PODXL: variants seen among roughly 807,000 people sequenced by gnomAD.
The protein encoded by PODXL is podocalyxin like.
In PODXL, 20 loss-of-function variants were observed where a neutral mutation model predicts 48.9. The ratio of observed to expected loss-of-function variants is 0.41; its 90% CI spans 0.29 to 0.59. The LOEUF (loss-of-function observed/expected upper bound fraction) is 0.59, where lower values mean the gene tolerates loss of function less well. PODXL is among the 20% of genes least tolerant of loss of function. The pLI, the probability that PODXL is intolerant of heterozygous loss-of-function variation, is 0.31. For missense variants in PODXL, 606 were observed against 675.1 expected (o/e 0.90, Z 1.13); for synonymous variants, 295 against 287.4 (o/e 1.03, Z -0.27).
chr7:131,534,088 C>CCTCCTCCTCCA (rs1201804304), intron 1 of PODXL, among the ~76,000 whole-genome samples: 1 of 147,222 alleles, frequency 6.8e-6, no homozygotes, highest in Non-Finnish European at 1.5e-5. Flanking sequence ...GCGCAGCCCA[C>CCTCCTCCTCCA]CTCCTCCTCC....
At chr7:131,533,487 C>T (rs1433901359) in intron 1 of PODXL, among the ~76,000 whole-genome samples, 1 of 152,216 alleles carries the variant, frequency 6.6e-6, no homozygotes, top group Non-Finnish European at 1.5e-5. Context: ...GGCCCGTCTG[C>T]CTGCTTCCCT....
rs1195341246 is a variant in PODXL at position 131,509,528 on chromosome 7, G to A, written c.860C>T (p.Ser287Phe). 1 of 1,603,466 alleles carries A rather than the reference G, an allele frequency of 6.2e-7. No individual in the cohort carries two copies. Among genetic ancestry groups the A allele is most frequent in the Admixed American group, 1.7e-5 (1 of 58,894 alleles). The change falls in exon 4 of 9, where the codon TCT becomes TTT. Residue 287 changes from serine (S) to phenylalanine (F), a missense_variant. Physicochemically the swap from Ser to Phe is radical, Grantham distance 155. Coordinates refer to ENST00000378555, the MANE Select transcript of PODXL (RefSeq NM_001018111.3). ...QQTSSQMPAS[S>F]TAPSSQETVQ... ...TGTCTCCTGGGAGGAAGGGGCCGTAGAGCTGGCTGGCATCTGACTGGAGGT... is the reference window on the plus strand; with the variant it reads ...TGTCTCCTGGGAGGAAGGGGCCGTAAAGCTGGCTGGCATCTGACTGGAGGT...
At chr7:131,518,288 A>G (rs921860866) in intron 1 of PODXL, among the ~76,000 whole-genome samples, 3 of 152,146 alleles carry the variant, frequency 2.0e-5, no homozygotes, top group Non-Finnish European at 2.9e-5. Flanking sequence ...TTCGAAATTA[A>G]CTCTGTCTGC....
rs759031194 is a variant in PODXL at position 131,509,478 on chromosome 7, C to T, written c.910G>A (p.Ala304Thr). Reference protein sequence around the residue: ...ETVQPTSPATALRTPTLPETM... With the variant: ...ETVQPTSPATTLRTPTLPETM... ...TCTGGCAGGGTAGGTGTTCTCAATGCCGTTGCCGGGCTCGTGGGCTGCACT... is the reference window on the plus strand; with the variant it reads ...TCTGGCAGGGTAGGTGTTCTCAATGTCGTTGCCGGGCTCGTGGGCTGCACT... The change falls in exon 4 of 9, where the codon GCA becomes ACA. Residue 304 changes from alanine to threonine, a missense_variant. Transcript: ENST00000378555. The T allele has an allele frequency of 6.2e-7, 1 of 1,613,848 alleles. No individual in the cohort carries two copies. The highest frequency in any genetic ancestry group is 1.3e-5 in the African/African-American group (1 of 74,998).
intron 1 of PODXL, among the ~76,000 whole-genome samples, chr7:131,532,517 T>TTGTG (rs1308676996): frequency 4.4e-5 from 2 of 45,954 alleles, no homozygotes; most frequent in Admixed American, 6.9e-4. Flanking sequence ...ATCTTTTTTT[T>TTGTG]GGAGGGGGGG....
At chr7:131,510,607 G>C (rs1360917730) in intron 2 of PODXL, among the ~76,000 whole-genome samples, 1 of 152,046 alleles carries the variant, frequency 6.6e-6, no homozygotes, top group African/African-American at 2.4e-5. Context: ...GAGTAGCTGG[G>C]ATTACAGGCG....
At position 131,510,997 on chromosome 7, in the gene PODXL, C is replaced by T. The variant is rs1464530000; in HGVS notation, c.537G>A (p.Thr179=). 2 of 1,613,910 alleles carry T rather than the reference C, an allele frequency of 1.2e-6. No individual in the cohort carries two copies. Among genetic ancestry groups the T allele is most frequent in the East Asian group, 2.2e-5 (1 of 44,884 alleles). The change falls in exon 2 of 9, where the codon ACG becomes ACA. Residue 179 remains threonine, a synonymous_variant. Coordinates refer to ENST00000378555, the MANE Select transcript of PODXL (RefSeq NM_001018111.3). The part of the protein sequence containing the change: ...DLTSTKAEHL[T]TPHPTSPLSP... Reference sequence around the variant, plus strand: ...TAAGTGGACTTGTAGGGTGAGGGGTCGTCAGATGTTCTGCCTTAGTGGATG... The same window carrying T: ...TAAGTGGACTTGTAGGGTGAGGGGTTGTCAGATGTTCTGCCTTAGTGGATG...
At chr7:131,505,810 G>A (rs1562901803) in intron 8 of PODXL, 58 bp downstream of exon 8, 1 of 1,468,620 alleles carries the variant, frequency 6.8e-7, no homozygotes, top group African/African-American at 1.4e-5. Flanking sequence ...ATCACGAGGG[G>A]AGGGTTCCTC....
chr7:131,530,516 G>A (rs1032679798), intron 1 of PODXL, among the ~76,000 whole-genome samples: 7 of 151,966 alleles, frequency 4.6e-5, no homozygotes, highest in South Asian at 2.1e-4. Flanking sequence ...AAGCCAAGGC[G>A]GGAGAATCAC....
intron 5 of PODXL, among the ~76,000 whole-genome samples, chr7:131,508,445 CAG>C (rs1222180183): frequency 6.6e-6 from 1 of 152,166 alleles, no homozygotes; most frequent in African/African-American, 2.4e-5. Context: ...TCTGTAAAAA[CAG>C]GGTCTTCCTA....
Position 131,540,606 on chromosome 7 carries a change from C to T in PODXL, c.100+15654G>A, listed in dbSNP as rs148389431. Among the ~76,000 whole-genome samples the T allele has an allele frequency of 6.0e-4, 92 of 152,292 alleles. No individual in the cohort carries two copies. In the East Asian group the frequency reaches 0.015, roughly 25 times the overall value. ...CACACACACACTTCCAGAGCCAAAG[C>T]GCCCGGACATTTGGCACACAACTCT... On this transcript the variant is annotated intron_variant, in intron 1 of 8. Transcript: ENST00000378555.
chr7:131,532,106 A>AT (rs1339531376), intron 1 of PODXL, among the ~76,000 whole-genome samples: 2 of 145,936 alleles, frequency 1.4e-5, no homozygotes, highest in Non-Finnish European at 3.0e-5. Flanking sequence ...CCATCTCAAA[A>AT]TAATAATAAT....
chr7:131,546,752 A>G (rs1005011750), intron 1 of PODXL, among the ~76,000 whole-genome samples: 1 of 124,836 alleles, frequency 8.0e-6, no homozygotes, highest in Admixed American at 8.4e-5. Context: ...AAAAAAAAAA[A>G]GTCTGTTTTG....
chr7:131,525,426 C>CAAAAAAAAAAA (rs57927217), intron 1 of PODXL, among the ~76,000 whole-genome samples: 17 of 59,216 alleles, frequency 2.9e-4, no homozygotes, highest in Admixed American at 8.4e-4. Context: ...TCATCTCTAC[C>CAAAAAAAAAAA]AAAAAAAAAA....
Position 131,501,326 on chromosome 7 carries a change from T to C in PODXL, c.*2985A>G, listed in dbSNP as rs1243395242. The C allele has an allele frequency of 6.6e-6, 1 of 152,614 alleles. No homozygotes were observed. Among genetic ancestry groups the C allele is most frequent in the Admixed American group, 6.5e-5 (1 of 15,286 alleles). 9.5% of individuals were successfully genotyped at this position (152,614 alleles called of 1,614,324 possible). ...TAAAGCAGTGCAGGGTAGGTTAACA[T>C]GGTCACTGTATTTACATTATCAAAA... On this transcript the variant is annotated 3_prime_UTR_variant, in exon 9 of 9. Coordinates refer to ENST00000378555, the MANE Select transcript of PODXL (RefSeq NM_001018111.3).
intron 1 of PODXL, among the ~76,000 whole-genome samples, chr7:131,547,805 C>T (rs914208910): frequency 1.3e-5 from 2 of 152,228 alleles, no homozygotes; most frequent in African/African-American, 2.4e-5. Flanking sequence ...GGCAGCTCCA[C>T]GGAATACCAC....
rs761131064 is a variant in PODXL, at chr7:131,504,391, C to T, written c.1597G>A (p.Glu533Lys). 6.2e-7 allele frequency: 1 copy of T among 1,614,186 alleles called. No homozygotes were observed. The highest frequency in any genetic ancestry group is 1.3e-5 in the African/African-American group (1 of 75,026). ...QEKKVVSLNG[E>K]LGDSWIVPLD... ...GGGACGATCCAGCTGTCCCCCAGCT[C>T]CCCGTTGAGGCTGACCACCTTCTTC... Residue 533 changes from glutamate (E) to lysine (K), a missense_variant, in exon 9 of 9, where the codon GAG becomes AAG. Glu to Lys is a moderately conservative substitution (Grantham distance 56, BLOSUM62 1). Coordinates refer to ENST00000378555, the MANE Select transcript of PODXL (RefSeq NM_001018111.3).
rs942701994 is a variant in PODXL, at chr7:131,510,882, T to G, written c.652A>C (p.Thr218Pro). The G allele has an allele frequency of 2.1e-5, 34 of 1,614,046 alleles. No homozygotes were observed. The highest frequency in any genetic ancestry group is 2.8e-5 in the Non-Finnish European group (33 of 1,180,026). The change falls in exon 2 of 9, where the codon ACT becomes CCT. Residue 218 changes from threonine (T) to proline (P), a missense_variant. Physicochemically the swap from Thr to Pro is conservative, Grantham distance 38. Coordinates refer to ENST00000378555, the MANE Select transcript of PODXL (RefSeq NM_001018111.3). ...HLMKISSSSSTVAIPGYTFTS... is the reference protein window; with the variant it reads ...HLMKISSSSSPVAIPGYTFTS... ...AAGGTGTAGCCAGGGATAGCCACAG[T>G]GCTTGAACTGCTTGAAATTTTCATA...
At chr7:131,518,462 C>G (rs1033490883) in intron 1 of PODXL, among the ~76,000 whole-genome samples, 1 of 152,138 alleles carries the variant, frequency 6.6e-6, no homozygotes, top group Non-Finnish European at 1.5e-5. Flanking sequence ...CAGTTTGCAC[C>G]ACTGGCAACA....
Sources: gnomAD v4.1 joint callset for allele counts (sites outside exome capture counted in the v4.1 genomes callset) on GRCh38, gnomAD v4.1.1 for gene constraint, MANE v1.5 for transcripts, NCBI Gene and HGNC (gene_info 2026-07-23, HGNC 2026-07-21) for gene names.